Variants in SEZ6L observed in about 807,000 individuals in gnomAD.
SEZ6L encodes the protein seizure 6-like protein.
In SEZ6L, 37 loss-of-function variants were observed where a neutral mutation model predicts 106.2. The observed-to-expected ratio is 0.35, with a 90% CI of 0.27 to 0.46. The LOEUF (loss-of-function observed/expected upper bound fraction) is 0.46, where lower values mean the gene tolerates loss of function less well. Among genes scored for constraint, SEZ6L ranks in the 20% least tolerant of loss-of-function variants. The pLI is 1.00. For missense variants in SEZ6L, 1,172 were observed against 1,332.8 expected (o/e 0.88, Z 1.88); for synonymous variants, 541 against 570.4 (o/e 0.95, Z 0.73).
chr22:26,221,954 A>T (rs2078487863), intron 1 of SEZ6L, among the ~76,000 whole-genome samples: 1 of 152,306 alleles, frequency 6.6e-6, no homozygotes, highest in African/African-American at 2.4e-5. Context: ...ATGAAAAGGC[A>T]ATCTGTGTGC....
At chr22:26,297,955 A>G (rs1404826268) in intron 4 of SEZ6L, among the ~76,000 whole-genome samples, 2 of 151,782 alleles carry the variant, frequency 1.3e-5, no homozygotes, top group Admixed American at 6.6e-5. Flanking sequence ...TTGGATACTT[A>G]CCAACTGCTG....
chr22:26,185,364 C>T (rs1195866154), intron 1 of SEZ6L, among the ~76,000 whole-genome samples: 1 of 152,206 alleles, frequency 6.6e-6, no homozygotes, highest in African/African-American at 2.4e-5. Context: ...CTGGAGATGA[C>T]ACGGTTGCCA....
chr22:26,305,397 A>G (rs1223016365), intron 5 of SEZ6L, among the ~76,000 whole-genome samples: 1 of 152,214 alleles, frequency 6.6e-6, no homozygotes, highest in Non-Finnish European at 1.5e-5. Context: ...CCGAAAGGTC[A>G]TAACAGTTTG....
intron 13 of SEZ6L, among the ~76,000 whole-genome samples, chr22:26,367,254 C>T (rs553611017): frequency 5.3e-5 from 8 of 152,240 alleles, no homozygotes; most frequent in South Asian, 2.1e-4. Context: ...AAAGAGTCTC[C>T]GTACACTTCT....
chr22:26,348,517 G>GGAAGGAAGGAAGGAAGGAAGGGAGAGAGA (rs2083085442), intron 11 of SEZ6L, among the ~76,000 whole-genome samples: 1 of 15,214 alleles, frequency 6.6e-5, no homozygotes, highest in African/African-American at 2.3e-4. Flanking sequence ...AGAGAGAGAA[G>GGAAGGAAGGAAGGAAGGAAGGGAGAGAGA]GAAGGAAGGA....
At chr22:26,328,072 T>C (rs1224601134) in intron 9 of SEZ6L, among the ~76,000 whole-genome samples, 1 of 152,176 alleles carries the variant, frequency 6.6e-6, no homozygotes, top group African/African-American at 2.4e-5. Flanking sequence ...TCCAACCTTC[T>C]CCACAGAGGG....
intron 7 of SEZ6L, 72 bp from the exon 8 acceptor site, chr22:26,311,696 A>G (rs1008529669): frequency 4.5e-5 from 60 of 1,319,368 alleles, no homozygotes; most frequent in Non-Finnish European, 6.1e-5. Context: ...CAGGGGACCC[A>G]TCTTCTGAAA....
chr22:26,326,061 C>G (rs558032172), intron 9 of SEZ6L, among the ~76,000 whole-genome samples: 2 of 152,316 alleles, frequency 1.3e-5, no homozygotes, highest in South Asian at 4.2e-4. Flanking sequence ...TCCTCTCCCC[C>G]ACGATTTGCA....
In SEZ6L at chr22:26,293,108, T is replaced by C. The variant is rs368299217; in HGVS notation, c.797T>C (p.Ile266Thr). The part of the protein sequence containing the change: ...EESQETTTST[I>T]ITTTVITTEQ... ...AGCCAGGAGACCACTACCTCCACCA[T>C]TATCACCACCACGGTCATCACCACC... Residue 266 changes from isoleucine (I) to threonine (T), a missense_variant, in exon 2 of 17, where the codon ATT (isoleucine) becomes ACT (threonine). Around this residue, in one of 4 missense-constraint regions of SEZ6L, gnomAD observed 494 missense variants for 445.8 expected, o/e 1.11. Transcript: ENST00000248933. 2 of 1,596,620 alleles carry C rather than the reference T, an allele frequency of 1.3e-6. No individual in the cohort carries two copies. The highest frequency in any genetic ancestry group is 1.7e-6 in the Non-Finnish European group (2 of 1,175,682).
intron 1 of SEZ6L, among the ~76,000 whole-genome samples, chr22:26,245,487 TTTACACCATGGGGAC>T (rs2079305284): frequency 6.6e-6 from 1 of 152,052 alleles, no homozygotes; most frequent in Admixed American, 6.5e-5. Context: ...TGGCATGCAT[TTTACACCATGGGGAC>T]TTGGGCCACC....
chr22:26,278,790 A>G (rs558473492), intron 1 of SEZ6L, among the ~76,000 whole-genome samples: 2 of 150,786 alleles, frequency 1.3e-5, no homozygotes, highest in Non-Finnish European at 3.0e-5. Flanking sequence ...GGAAGGAAGG[A>G]AGGGAGGGAG....
rs376527866 is a variant in SEZ6L at position 26,292,830 on chromosome 22, C to T, written c.519C>T (p.Ile173=). 5.1e-5 allele frequency: 83 copies of T among 1,613,980 alleles called. No individual in the cohort carries two copies. The highest frequency in any genetic ancestry group is 1.1e-4 in the African/African-American group (8 of 75,072). ...KPGPPGDPDP[I]VASEEASEVP... ...GCCCACCGGGGGACCCGGACCCCAT[C>T]GTGGCCTCCGAGGAGGCATCAGAAG... Residue 173 remains isoleucine, a synonymous_variant, in exon 2 of 17, where the codon ATC becomes ATT. Coordinates refer to ENST00000248933, the MANE Select transcript of SEZ6L (RefSeq NM_021115.5).
At position 26,340,754 on chromosome 22, in the gene SEZ6L, G is replaced by A. The variant is rs1298595061; in HGVS notation, c.2212+122G>A. ...ATTTTTCATTGTATTGTATTGAAAT[G>A]TACTCATTTCATTTTTAAAAGCCTG... On this transcript the variant is annotated intron_variant, in intron 10 of 16. Coordinates refer to ENST00000248933, the MANE Select transcript of SEZ6L (RefSeq NM_021115.5). The A allele has an allele frequency of 1.7e-5, 14 of 808,314 alleles. No individual in the cohort carries two copies. The East Asian group carries it at 3.9e-4, about 23-fold the overall frequency. 50.1% of individuals were successfully genotyped at this position (808,314 alleles called of 1,614,324 possible).
chr22:26,203,616 T>C (rs867380021), intron 1 of SEZ6L, among the ~76,000 whole-genome samples: 1 of 152,230 alleles, frequency 6.6e-6, no homozygotes, highest in African/African-American at 2.4e-5. Flanking sequence ...AAGCACATGC[T>C]GTATGCCAGG....
chr22:26,312,229 T>A (rs2081860827), intron 8 of SEZ6L, among the ~76,000 whole-genome samples: 1 of 152,258 alleles, frequency 6.6e-6, no homozygotes, highest in South Asian at 2.1e-4. Context: ...TGCATGGATT[T>A]CAGCTCCTAA....
intron 1 of SEZ6L, among the ~76,000 whole-genome samples, chr22:26,193,610 C>T (rs1429893380): frequency 1.3e-5 from 2 of 152,226 alleles, no homozygotes; most frequent in Admixed American, 6.5e-5. Flanking sequence ...CCTCATCCCA[C>T]TGCACCAAGG....
chr22:26,236,760 A>G (rs2078969244), intron 1 of SEZ6L, among the ~76,000 whole-genome samples: 1 of 152,216 alleles, frequency 6.6e-6, no homozygotes, highest in Non-Finnish European at 1.5e-5. Flanking sequence ...TAAAAAGGTC[A>G]GGTTTTTCTG....
rs1491379963 is a variant in SEZ6L at position 26,348,556 on chromosome 22, AGG to A, written c.2407+644_2407+645del. Among the ~76,000 whole-genome samples the A allele has an allele frequency of 3.1e-3, 220 of 70,272 alleles. 3 individuals are homozygous for A. Among genetic ancestry groups the A allele is most frequent in the Middle Eastern group, 6.7e-3 (1 of 150 alleles). 46.1% of individuals were successfully genotyped at this position (70,272 alleles called of 152,430 possible). A position where few individuals can be genotyped will look rare whatever the true frequency, so the allele number is the denominator to read the frequency against. Reference sequence around the variant, plus strand: ...AAGGAAGGAAGGAAGGAAGGAAGGAAGGAAGGGAGGAAAGAAAGAAAGAAAGA... The same window carrying A: ...AAGGAAGGAAGGAAGGAAGGAAGGAAAAGGGAGGAAAGAAAGAAAGAAAGA... On this transcript the variant is annotated intron_variant, in intron 11 of 16. Coordinates refer to ENST00000248933, the MANE Select transcript of SEZ6L (RefSeq NM_021115.5).
At chr22:26,209,534 G>A (rs552354138) in intron 1 of SEZ6L, among the ~76,000 whole-genome samples, 1 of 147,940 alleles carries the variant, frequency 6.8e-6, no homozygotes, top group South Asian at 2.2e-4. Context: ...AGAGGAAAGA[G>A]GAAGTCAAGG....
Sources: gnomAD v4.1 joint callset for allele counts (sites outside exome capture counted in the v4.1 genomes callset) on GRCh38, gnomAD v4.1.1 for gene constraint, gnomAD v4.1.1 regional missense constraint, MANE v1.5 for transcripts, NCBI Gene and HGNC (gene_info 2026-07-23, HGNC 2026-07-21) for gene names.